The following ARHGAP11B variants were observed in gnomAD, a reference collection of about 807,000 sequenced individuals.
ARHGAP11B encodes the protein inactive Rho GTPase-activating protein 11B.
In ARHGAP11B, 14 loss-of-function variants were observed where a neutral mutation model predicts 27.6. That is an observed-to-expected ratio of 0.51 (90% CI 0.34 to 0.79). The LOEUF (loss-of-function observed/expected upper bound fraction) is 0.79. Ranked by LOEUF, ARHGAP11B falls within the 30% of genes least tolerant of loss-of-function variation. The pLI is 0.02. For missense variants in ARHGAP11B, 245 were observed against 320.1 expected (o/e 0.77, Z 1.79); for synonymous variants, 82 against 114.1 (o/e 0.72, Z 1.80).
At chr15:30,629,387 A>G (rs901979689) in intron 1 of ARHGAP11B, among the ~76,000 whole-genome samples, 4 of 151,936 alleles carry the variant, frequency 2.6e-5, no homozygotes, top group Middle Eastern at 3.4e-3. Flanking sequence ...CCACGTCTCT[A>G]TTAAAAATAC....
At chr15:30,646,013 T>G (rs887794280) in intron 8 of ARHGAP11B, 15 of 200,658 alleles carry the variant, frequency 7.5e-5, no homozygotes, top group Middle Eastern at 2.4e-3. Context: ...AATGTTTTCT[T>G]TATCCTCATC....
exon 10 of ARHGAP11B, chr15:30,647,682 C>A: frequency 4.7e-6 from 1 of 211,646 alleles, no homozygotes; most frequent in South Asian, 8.1e-5. Flanking sequence ...AATTGCTAAT[C>A]CAGTATTTGC....
chr15:30,638,641 C>G, intron 6 of ARHGAP11B, 105 bp from the exon 7 acceptor site: 1 of 572,248 alleles, frequency 1.7e-6, no homozygotes, highest in Non-Finnish European at 3.0e-6. Flanking sequence ...AATTTATAAG[C>G]CGATGTAAAG....
chr15:30,641,511 T>G (rs2060315386), intron 7 of ARHGAP11B: 1 of 151,838 alleles, frequency 6.6e-6, no homozygotes, highest in South Asian at 2.1e-4. Context: ...AATTTTCTTT[T>G]GCATTTTTAG....
At chr15:30,644,591 A>G in intron 7 of ARHGAP11B, 1 of 1,206,158 alleles carries the variant, frequency 8.3e-7, no homozygotes, top group Non-Finnish European at 1.2e-6. Flanking sequence ...AAGGAGACAT[A>G]TCAATCTCAA....
exon 8 of ARHGAP11B, chr15:30,644,681 T>C: frequency 1.3e-6 from 2 of 1,587,798 alleles, no homozygotes; most frequent in Non-Finnish European, 8.6e-7. Context: ...TCCAAAAATA[T>C]TGCATCTACC....
intron 3 of ARHGAP11B, 42 bp from the exon 4 acceptor site, chr15:30,634,128 C>CT (rs1730437614): frequency 6.2e-7 from 1 of 1,604,946 alleles, no homozygotes; most frequent in African/African-American, 1.3e-5. Context: ...GCAATAAACT[C>CT]TTAAGTTGCC....
rs766874775 is a variant in ARHGAP11B, at chr15:30,640,901, G to GTT, written c.*78+2093_*78+2094dup. On this transcript the variant is annotated intron_variant, in intron 7 of 10. Coordinates refer to ENST00000428041, the Ensembl canonical transcript of ARHGAP11B. ...AAACTTTTTTAAGTAACATAGTTCA[G>GTT]TTTTTTTTTTTTTGAATATTTAAAA... is the stretch of plus-strand genomic sequence containing the variant. 6.1e-4 allele frequency among the ~76,000 whole-genome samples: 88 copies of GTT among 144,166 alleles called. 1 individual carries two copies. Among genetic ancestry groups the GTT allele is most frequent in the Admixed American group, 2.3e-3 (33 of 14,384 alleles). The allele number at this position is 144,166 out of a possible 152,430, so 94.6% of individuals were successfully genotyped here. A position where few individuals can be genotyped will look rare whatever the true frequency, so the allele number is the denominator to read the frequency against.
At chr15:30,634,120 A>T in intron 3 of ARHGAP11B, 50 bp from the exon 4 acceptor site, 1 of 1,604,346 alleles carries the variant, frequency 6.2e-7, no homozygotes, top group Non-Finnish European at 8.5e-7. Flanking sequence ...CTTTATTTGC[A>T]ATAAACTCTT....
intron 9 of ARHGAP11B, among the ~76,000 whole-genome samples, chr15:30,646,569 G>A (rs2060349461): frequency 6.6e-6 from 1 of 151,708 alleles, no homozygotes; most frequent in African/African-American, 2.4e-5. Context: ...GCTGAGGCAG[G>A]AAAATGGCGT....
chr15:30,631,787 C>CTTTTTTTTTTTTT (rs765025486), intron 2 of ARHGAP11B, among the ~76,000 whole-genome samples: 2 of 139,672 alleles, frequency 1.4e-5, no homozygotes, highest in Non-Finnish European at 1.6e-5. Context: ...ACCTTTTGTT[C>CTTTTTTTTTTTTT]TTTTTTTTTT....
chr15:30,642,068 A>G (rs1163425288), intron 7 of ARHGAP11B, among the ~76,000 whole-genome samples: 1 of 152,130 alleles, frequency 6.6e-6, no homozygotes, highest in South Asian at 2.1e-4. Context: ...GCTACTTATG[A>G]CACTTTAGAT....
chr15:30,631,787 C>CTTTTTTTTTTT (rs765025486), intron 2 of ARHGAP11B, among the ~76,000 whole-genome samples: 3 of 139,670 alleles, frequency 2.1e-5, no homozygotes, highest in Non-Finnish European at 3.2e-5. Flanking sequence ...ACCTTTTGTT[C>CTTTTTTTTTTT]TTTTTTTTTT....
intron 1 of ARHGAP11B, among the ~76,000 whole-genome samples, chr15:30,628,126 G>T (rs1214877487): frequency 6.6e-6 from 1 of 150,684 alleles, no homozygotes; most frequent in Non-Finnish European, 1.5e-5. Flanking sequence ...TGTCGCCCAG[G>T]CTGGAGTGCA....
intron 7 of ARHGAP11B, among the ~76,000 whole-genome samples, chr15:30,644,399 G>C (rs1349789222): frequency 6.6e-6 from 1 of 151,970 alleles, no homozygotes; most frequent in Non-Finnish European, 1.5e-5. Flanking sequence ...CAAGATAGGG[G>C]TGAATTTTTT....
chr15:30,639,971 A>AGAGAGAGTGTGTGT (rs371550239), intron 7 of ARHGAP11B, among the ~76,000 whole-genome samples: 1 of 143,192 alleles, frequency 7.0e-6, no homozygotes, highest in African/African-American at 2.6e-5. Context: ...TTCAATATAG[A>AGAGAGAGTGTGTGT]GTGTGTGTGT....
Position 30,637,805 on chromosome 15 carries a change from A to G in ARHGAP11B, c.*4-941A>G, listed in dbSNP as rs1451043457. 2.8e-5 allele frequency among the ~76,000 whole-genome samples: 4 copies of G among 142,012 alleles called. No individual in the cohort carries two copies. In the East Asian group the frequency reaches 8.2e-4, roughly 29 times the overall value. 93.2% of individuals were successfully genotyped at this position (142,012 alleles called of 152,430 possible). A position where few individuals can be genotyped will look rare whatever the true frequency, so the allele number is the denominator to read the frequency against. On this transcript the variant is annotated intron_variant, in intron 6 of 10. Transcript: ENST00000428041. ...CCTTGAATCTACCCTACATATTGCT[A>G]TTAAGGCTCACTTTTTTTTTTTTTT...
chr15:30,628,998 T>G (rs887294865), intron 1 of ARHGAP11B, among the ~76,000 whole-genome samples: 57 of 152,190 alleles, frequency 3.7e-4, no homozygotes, highest in African/African-American at 1.3e-3. Context: ...AAAATTCTGA[T>G]TTACCCAATA....
chr15:30,633,535 C>T (rs1567512587), exon 3 of ARHGAP11B: 9 of 1,613,316 alleles, frequency 5.6e-6, no homozygotes, highest in South Asian at 1.1e-5. Context: ...ATATTCATAC[C>T]GAAGGGCTTT....
Sources: allele counts gnomAD v4.1 joint callset (sites outside exome capture counted in the v4.1 genomes callset), GRCh38; gene constraint gnomAD v4.1.1; transcripts MANE v1.5; gene names NCBI Gene and HGNC (gene_info 2026-07-23, HGNC 2026-07-21).